The following AADACL4 variants were observed in gnomAD, a reference collection of about 807,000 sequenced individuals.
The protein encoded by AADACL4 is arylacetamide deacetylase like 4.
In AADACL4, 9 loss-of-function variants were observed where a neutral mutation model predicts 14.1. That is an observed-to-expected ratio of 0.64 (90% CI 0.39 to 1.12). The LOEUF (loss-of-function observed/expected upper bound fraction) is 1.12. AADACL4 is among the 50% of genes most tolerant of loss of function. The pLI is 0.01. For synonymous variants in AADACL4, 188 were observed against 201.6 expected (o/e 0.93, Z 0.57); for missense variants, 531 against 516.1 (o/e 1.03, Z -0.28).
chr1:12,667,035 C>G lies in AADACL4; in HGVS notation c.*300C>G. On this transcript the variant is annotated 3_prime_UTR_variant, in exon 4 of 4. Coordinates refer to ENST00000376221, the MANE Select transcript of AADACL4 (RefSeq NM_001013630.2). ...ATGCCTTTAAAAATTTCTCAAAGCC[C>G]CAACATATAAGATCTGTGCAGAATA... 4 of 466,960 alleles carry G rather than the reference C, an allele frequency of 8.6e-6. No individual in the cohort carries two copies. Among genetic ancestry groups the G allele is most frequent in the Non-Finnish European group, 1.5e-5 (4 of 267,966 alleles). 28.9% of individuals were successfully genotyped at this position (466,960 alleles called of 1,614,324 possible).
At chr1:12,661,153 G>A (rs964414236) in intron 2 of AADACL4, among the ~76,000 whole-genome samples, 2 of 152,196 alleles carry the variant, frequency 1.3e-5, no homozygotes, top group East Asian at 3.8e-4. Flanking sequence ...ATTACCTGGT[G>A]TGATTTAGAA....
chr1:12,650,489 G>T (rs1332139361), intron 1 of AADACL4, among the ~76,000 whole-genome samples: 1 of 151,600 alleles, frequency 6.6e-6, no homozygotes, highest in East Asian at 1.9e-4. Flanking sequence ...CAGAGCTATA[G>T]AGAGGGAAGT....
chr1:12,666,323 C>A lies in AADACL4; in HGVS notation c.812C>A (p.Thr271Asn). The stretch of plus-strand genomic sequence containing the variant: ...TGGCGTGACGCCATCTTGAACGGCA[C>A]TTGTGTACCCCCAGACGTCTGGAGG... Reference protein sequence around the residue: ...LSWRDAILNGTCVPPDVWRKY... With the variant: ...LSWRDAILNGNCVPPDVWRKY... The change falls in exon 4 of 4, where the codon ACT (threonine) becomes AAT (asparagine). Residue 271 changes from threonine (T) to asparagine (N), a missense_variant. By Grantham distance (65) the Thr-to-Asn change is moderately conservative. Coordinates refer to ENST00000376221, the MANE Select transcript of AADACL4 (RefSeq NM_001013630.2). 6.2e-7 allele frequency: 1 copy of A among 1,614,208 alleles called. No homozygotes were observed. The highest frequency in any genetic ancestry group is 8.5e-7 in the Non-Finnish European group (1 of 1,180,050).
intron 2 of AADACL4, among the ~76,000 whole-genome samples, chr1:12,657,647 T>C (rs190342656): frequency 2.6e-5 from 4 of 152,334 alleles, no homozygotes; most frequent in East Asian, 3.9e-4. Flanking sequence ...GCTACCTTTA[T>C]AGGTTTCTTT....
intron 1 of AADACL4, 51 bp downstream of exon 1, chr1:12,644,765 C>A: frequency 6.4e-7 from 1 of 1,570,284 alleles, no homozygotes; most frequent in South Asian, 1.1e-5. Context: ...TTCTCTTGTT[C>A]TCAGTACCTT....
intron 3 of AADACL4, among the ~76,000 whole-genome samples, chr1:12,662,623 A>G (rs915263789): frequency 2.6e-5 from 4 of 152,198 alleles, no homozygotes; most frequent in African/African-American, 9.6e-5. Flanking sequence ...AAGAGATCTC[A>G]CATCACTGGG....
intron 2 of AADACL4, among the ~76,000 whole-genome samples, chr1:12,655,796 C>G (rs1000830161): frequency 2.6e-5 from 4 of 152,092 alleles, no homozygotes; most frequent in African/African-American, 9.7e-5. Flanking sequence ...ATTTGATTAA[C>G]AGGCATTTGG....
chr1:12,645,241 T>C (rs1305945637), intron 1 of AADACL4, among the ~76,000 whole-genome samples: 1 of 122,132 alleles, frequency 8.2e-6, no homozygotes, highest in Admixed American at 8.7e-5. Flanking sequence ...CTTTCTTCCT[T>C]CCCTCCTCCC....
intron 1 of AADACL4, among the ~76,000 whole-genome samples, chr1:12,648,213 G>A (rs530178014): frequency 2.6e-5 from 4 of 152,162 alleles, no homozygotes; most frequent in East Asian, 3.9e-4. Flanking sequence ...CTTGTGATCC[G>A]CCTGCCTCGG....
chr1:12,666,513 T>C lies in AADACL4; in HGVS notation c.1002T>C (p.Ala334=), dbSNP rs746902864. ...SPLIADDEVI[A]QLPEAFLVSC... The stretch of plus-strand genomic sequence containing the variant: ...TGATAGCAGATGATGAGGTCATCGC[T>C]CAGCTTCCTGAGGCCTTCCTGGTGA... Residue 334 remains alanine (A), a synonymous_variant, in exon 4 of 4, where the codon GCT becomes GCC. Transcript: ENST00000376221. 1 of 1,614,068 alleles carries C rather than the reference T, an allele frequency of 6.2e-7. No individual in the cohort carries two copies. Among genetic ancestry groups the C allele is most frequent in the Non-Finnish European group, 8.5e-7 (1 of 1,180,026 alleles).
intron 3 of AADACL4, among the ~76,000 whole-genome samples, chr1:12,664,448 C>A (rs891636890): frequency 2.0e-5 from 3 of 151,870 alleles, no homozygotes; most frequent in Admixed American, 6.6e-5. Flanking sequence ...CTCACTGCAA[C>A]CTCCACTTCC....
chr1:12,662,308 G>GA (rs896911893), intron 3 of AADACL4, among the ~76,000 whole-genome samples: 2 of 152,040 alleles, frequency 1.3e-5, no homozygotes, highest in African/African-American at 4.8e-5. Flanking sequence ...AACATAGAAA[G>GA]AAAAAAATGA....
Position 12,644,584 on chromosome 1 carries a change from C to A in AADACL4, c.38C>A (p.Pro13His). Residue 13 changes from proline (P) to histidine (H), a missense_variant, in exon 1 of 4, where the codon CCC becomes CAC. Coordinates refer to ENST00000376221, the MANE Select transcript of AADACL4 (RefSeq NM_001013630.2). ...VPWLVLLLAL[P>H]IFFLGVFVWA... Reference sequence around the variant, plus strand: ...TGGCTAGTGCTACTCTTGGCATTGCCCATCTTTTTCCTGGGGGTCTTTGTC... The same window carrying A: ...TGGCTAGTGCTACTCTTGGCATTGCACATCTTTTTCCTGGGGGTCTTTGTC... 6.2e-7 allele frequency: 1 copy of A among 1,614,110 alleles called. No homozygotes were observed. The highest frequency in any genetic ancestry group is 1.7e-5 in the Admixed American group (1 of 60,022).
intron 2 of AADACL4, among the ~76,000 whole-genome samples, chr1:12,658,655 G>T (rs571215000): frequency 1.2e-4 from 18 of 151,904 alleles, no homozygotes; most frequent in African/African-American, 3.9e-4. Context: ...CTGCTGCCCT[G>T]CCCTGCACCC....
rs748608587 is a variant in AADACL4 at position 12,644,600 on chromosome 1, G to A, written c.54G>A (p.Gly18=). The stretch of plus-strand genomic sequence containing the variant: ...TGGCATTGCCCATCTTTTTCCTGGG[G>A]GTCTTTGTCTGGGCTGTCTTTGAGC... ...LLLALPIFFL[G]VFVWAVFEHF... Residue 18 remains glycine, a synonymous_variant, in exon 1 of 4, where the codon GGG becomes GGA. Transcript: ENST00000376221. 4 of 1,613,954 alleles carry A rather than the reference G, an allele frequency of 2.5e-6. No individual in the cohort carries two copies. The highest frequency in any genetic ancestry group is 1.1e-5 in the South Asian group (1 of 91,080).
At chr1:12,646,517 C>T (rs998758502) in intron 1 of AADACL4, among the ~76,000 whole-genome samples, 21 of 152,218 alleles carry the variant, frequency 1.4e-4, no homozygotes, top group Non-Finnish European at 2.9e-4. Context: ...GTACTCGTGT[C>T]CTCTCATTTG....
At chr1:12,662,401 G>A (rs970893937) in intron 3 of AADACL4, among the ~76,000 whole-genome samples, 3 of 152,156 alleles carry the variant, frequency 2.0e-5, no homozygotes, top group Admixed American at 6.5e-5. Context: ...AAGGTGATGC[G>A]CAAGATTCTG....
intron 3 of AADACL4, among the ~76,000 whole-genome samples, chr1:12,662,521 G>C (rs911769151): frequency 6.6e-6 from 1 of 152,108 alleles, no homozygotes; most frequent in African/African-American, 2.4e-5. Flanking sequence ...ATACAACCCT[G>C]GTCCTATAAA....
At chr1:12,663,911 A>G (rs1406733940) in intron 3 of AADACL4, among the ~76,000 whole-genome samples, 1 of 152,222 alleles carries the variant, frequency 6.6e-6, no homozygotes, top group African/African-American at 2.4e-5. Flanking sequence ...CATCTAGGAA[A>G]TGGCCAATAA....
Sources: allele counts gnomAD v4.1 joint callset (sites outside exome capture counted in the v4.1 genomes callset), GRCh38; gene constraint gnomAD v4.1.1; transcripts MANE v1.5; gene names NCBI Gene and HGNC (gene_info 2026-07-23, HGNC 2026-07-21).